FOXP1: variants seen among roughly 807,000 people sequenced by gnomAD.
The protein encoded by FOXP1 is forkhead box P1, also known as forkhead box protein P1.
A neutral mutation model predicts 98.2 loss-of-function variants in FOXP1; 15 were observed. That is an observed-to-expected ratio of 0.15 (90% CI 0.10 to 0.24). The LOEUF is 0.24. Among genes scored for constraint, FOXP1 ranks in the 10% least tolerant of loss-of-function variants. The pLI is 1.00. For synonymous variants in FOXP1, 371 were observed against 314.5 expected (o/e 1.18, Z -1.90); for missense variants, 633 against 848.5 (o/e 0.75, Z 3.15).
chr3:71,145,839 T>G (rs2060283029), intron 6 of FOXP1, among the ~76,000 whole-genome samples: 2 of 152,214 alleles, frequency 1.3e-5, no homozygotes, highest in Admixed American at 1.3e-4. Flanking sequence ...AAACTGAGTA[T>G]GTTTGTTTTG....
chr3:71,492,991 A>T (rs2091169004), intron 3 of FOXP1, among the ~76,000 whole-genome samples: 1 of 152,198 alleles, frequency 6.6e-6, no homozygotes, highest in South Asian at 2.1e-4. Flanking sequence ...CTTTCTCATA[A>T]GTCCTGATCA....
At chr3:71,566,556 G>T (rs538125788) in intron 2 of FOXP1, among the ~76,000 whole-genome samples, 1 of 152,210 alleles carries the variant, frequency 6.6e-6, no homozygotes, top group African/African-American at 2.4e-5. Context: ...AATCCAACGG[G>T]CAATTTGGAA....
chr3:71,436,162 G>T (rs2085331356), intron 3 of FOXP1, among the ~76,000 whole-genome samples: 1 of 151,852 alleles, frequency 6.6e-6, no homozygotes, highest in Non-Finnish European at 1.5e-5. Context: ...AACTGTTCCT[G>T]GTATGGGCTC....
At chr3:71,034,615 C>G (rs2047337725) in intron 11 of FOXP1, among the ~76,000 whole-genome samples, 1 of 152,174 alleles carries the variant, frequency 6.6e-6, no homozygotes, top group African/African-American at 2.4e-5. Context: ...GTCTGTTGAG[C>G]ATTGTGTCTG....
chr3:71,260,444 C>T (rs925808409), intron 5 of FOXP1, among the ~76,000 whole-genome samples: 6 of 152,048 alleles, frequency 3.9e-5, no homozygotes, highest in African/African-American at 1.2e-4. Flanking sequence ...TTACACTTTA[C>T]GATGAAGTCT....
intron 3 of FOXP1, among the ~76,000 whole-genome samples, chr3:71,365,932 C>T (rs1219585732): frequency 6.6e-6 from 1 of 152,080 alleles, no homozygotes; most frequent in African/African-American, 2.4e-5. Flanking sequence ...GCAGTGAGCC[C>T]ACTGCACTCC....
At chr3:71,355,464 TTGA>T in intron 4 of FOXP1, among the ~76,000 whole-genome samples, 1 of 151,944 alleles carries the variant, frequency 6.6e-6, no homozygotes, top group Non-Finnish European at 1.5e-5. Flanking sequence ...GTTTAAGGGG[TTGA>T]TTTTTGAACT....
intron 3 of FOXP1, among the ~76,000 whole-genome samples, chr3:71,436,093 G>T (rs1417365683): frequency 6.6e-6 from 1 of 151,790 alleles, no homozygotes; most frequent in Admixed American, 6.6e-5. Flanking sequence ...GATTTTTCAG[G>T]GAATGTGGGT....
At chr3:71,328,977 AAAAAAAAAAAAAC>A (rs1286934405) in intron 4 of FOXP1, among the ~76,000 whole-genome samples, 5 of 81,620 alleles carry the variant, frequency 6.1e-5, no homozygotes, top group Non-Finnish European at 3.2e-5. Flanking sequence ...ATCTCGCTAA[AAAAAAAAAAAAAC>A]AAAAAAAAAA....
chr3:71,114,927 A>G (rs1195164425), intron 6 of FOXP1, among the ~76,000 whole-genome samples: 2 of 152,232 alleles, frequency 1.3e-5, no homozygotes, highest in Admixed American at 6.5e-5. Context: ...TTTATATCAT[A>G]TAAGAAAAAT....
At chr3:71,312,588 G>T (rs192426118) in intron 4 of FOXP1, among the ~76,000 whole-genome samples, 2 of 152,312 alleles carry the variant, frequency 1.3e-5, no homozygotes, top group Non-Finnish European at 2.9e-5. Flanking sequence ...ATTAAGGAGG[G>T]TGAGGCAGGA....
In FOXP1 at chr3:71,454,806, CA is replaced by C. The variant is rs1167328386; in HGVS notation, c.-168+38619del. 1.8e-4 allele frequency among the ~76,000 whole-genome samples: 12 copies of C among 66,870 alleles called. No individual in the cohort carries two copies. The South Asian group carries it at 2.3e-3, about 13-fold the overall frequency. 43.9% of individuals were successfully genotyped at this position (66,870 alleles called of 152,430 possible). A position where few individuals can be genotyped will look rare whatever the true frequency, so the allele number is the denominator to read the frequency against. On this transcript the variant is annotated intron_variant, in intron 3 of 20. Coordinates refer to ENST00000649528, the MANE Select transcript of FOXP1 (RefSeq NM_001349338.3). ...AACTTGTTTTCTTTAAAAAAAAAAACAAAAAAAAAACTGCTTTCTGAGCGCC... is the reference window on the plus strand; with the variant it reads ...AACTTGTTTTCTTTAAAAAAAAAAACAAAAAAAAACTGCTTTCTGAGCGCC...
intron 4 of FOXP1, among the ~76,000 whole-genome samples, chr3:71,313,651 G>C (rs909513766): frequency 1.3e-5 from 2 of 151,558 alleles, no homozygotes; most frequent in Non-Finnish European, 2.9e-5. Flanking sequence ...TCAGCCTCCC[G>C]ATTAGCTGGG....
At chr3:71,051,721 A>AG (rs569265600) in intron 9 of FOXP1, among the ~76,000 whole-genome samples, 206 of 152,322 alleles carry the variant, frequency 1.4e-3, no homozygotes, top group Non-Finnish European at 1.9e-3. Context: ...ATGGGTAGAA[A>AG]GATGTCATAA....
At chr3:71,321,355 G>C (rs1048691174) in intron 4 of FOXP1, among the ~76,000 whole-genome samples, 6 of 152,142 alleles carry the variant, frequency 3.9e-5, no homozygotes, top group Non-Finnish European at 7.4e-5. Flanking sequence ...ACCCTTGGCA[G>C]ATTTGGTAAT....
intron 6 of FOXP1, among the ~76,000 whole-genome samples, chr3:71,194,089 C>T (rs924956988): frequency 2.0e-5 from 3 of 152,160 alleles, no homozygotes; most frequent in African/African-American, 4.8e-5. Flanking sequence ...CTTATCCACA[C>T]TTTCTAAATA....
chr3:71,311,891 C>G (rs2074710833), intron 4 of FOXP1, among the ~76,000 whole-genome samples: 1 of 152,188 alleles, frequency 6.6e-6, no homozygotes, highest in Non-Finnish European at 1.5e-5. Context: ...CCTAAATTCC[C>G]TGATATCTGC....
Position 71,406,405 on chromosome 3 carries a change from G to GTGTATATATATATATATATATATATA in FOXP1, c.-167-47162_-167-47161insTATATATATATATATATATATATACA, listed in dbSNP as rs1347753258. 4.2e-4 allele frequency among the ~76,000 whole-genome samples: 45 copies of GTGTATATATATATATATATATATATA among 105,968 alleles called. 1 individual carries two copies. Among genetic ancestry groups the GTGTATATATATATATATATATATATA allele is most frequent in the Non-Finnish European group, 8.2e-4 (37 of 44,920 alleles). 69.5% of individuals were successfully genotyped at this position (105,968 alleles called of 152,430 possible). ...TAATTGACACATAATAACTGTATGT[G>GTGTATATATATATATATATATATATA]TATATATATATATATATATGGTACA... On this transcript the variant is annotated intron_variant, in intron 3 of 20. Coordinates refer to ENST00000649528, the MANE Select transcript of FOXP1 (RefSeq NM_001349338.3).
intron 2 of FOXP1, among the ~76,000 whole-genome samples, chr3:71,565,205 T>G (rs1174543691): frequency 6.6e-6 from 1 of 152,080 alleles, no homozygotes; most frequent in Admixed American, 6.5e-5. Flanking sequence ...TGTTAGGGGT[T>G]AAAAAAAGGA....
Sources: allele counts gnomAD v4.1 joint callset (sites outside exome capture counted in the v4.1 genomes callset), GRCh38; gene constraint gnomAD v4.1.1; transcripts MANE v1.5; gene names NCBI Gene and HGNC (gene_info 2026-07-23, HGNC 2026-07-21).